TGFA: variants seen among roughly 807,000 people sequenced by gnomAD.
TGFA encodes the protein transforming growth factor alpha.
TGFA carries 12 observed loss-of-function variants against 21.7 expected under a neutral mutation model. The ratio of observed to expected loss-of-function variants is 0.55; its 90% CI spans 0.35 to 0.90. The LOEUF (loss-of-function observed/expected upper bound fraction) is 0.90, where lower values mean the gene tolerates loss of function less well. Among genes scored for constraint, TGFA ranks in the 40% least tolerant of loss-of-function variants. TGFA has a pLI of 0.01. For missense variants in TGFA, 178 were observed against 210.8 expected (o/e 0.84, Z 0.96); for synonymous variants, 79 against 88.1 (o/e 0.90, Z 0.58).
chr2:70,542,963 C>A (rs1052400036), intron 1 of TGFA, among the ~76,000 whole-genome samples: 3 of 151,600 alleles, frequency 2.0e-5, no homozygotes, highest in Non-Finnish European at 4.4e-5. Flanking sequence ...ATTAGCCGGG[C>A]GTAGTGGCGG....
intron 1 of TGFA, among the ~76,000 whole-genome samples, chr2:70,535,495 T>C (rs1672946157): frequency 6.6e-6 from 1 of 152,216 alleles, no homozygotes; most frequent in Non-Finnish European, 1.5e-5. Context: ...TCTATAAGCA[T>C]TAAGTAAAGA....
At chr2:70,503,463 T>C (rs1198594466) in intron 2 of TGFA, among the ~76,000 whole-genome samples, 46 of 150,342 alleles carry the variant, frequency 3.1e-4, no homozygotes, top group African/African-American at 1.0e-3. Context: ...TTAGGAGATA[T>C]ACCTAATGTA....
chr2:70,476,108 T>TA (rs1670925497), intron 2 of TGFA, among the ~76,000 whole-genome samples: 2 of 84,038 alleles, frequency 2.4e-5, no homozygotes, highest in East Asian at 4.6e-4. Flanking sequence ...AAAAAAAAAA[T>TA]TAAGAAAATT....
intron 1 of TGFA, among the ~76,000 whole-genome samples, chr2:70,524,227 T>C (rs1322331553): frequency 1.3e-5 from 2 of 152,214 alleles, no homozygotes; most frequent in Non-Finnish European, 2.9e-5. Flanking sequence ...AGGTAAAACA[T>C]CTTTATCCAA....
At chr2:70,525,602 C>A (rs1672608801) in intron 1 of TGFA, among the ~76,000 whole-genome samples, 1 of 152,154 alleles carries the variant, frequency 6.6e-6, no homozygotes, top group African/African-American at 2.4e-5. Context: ...CCTCCTTGGG[C>A]CCCAGAAGCA....
At chr2:70,470,997 T>C (rs1026188123) in intron 2 of TGFA, among the ~76,000 whole-genome samples, 1 of 152,064 alleles carries the variant, frequency 6.6e-6, no homozygotes, top group Non-Finnish European at 1.5e-5. Flanking sequence ...TATTAGAGAA[T>C]AAAACCCATC....
intron 2 of TGFA, among the ~76,000 whole-genome samples, chr2:70,469,333 TTA>T: frequency 1.3e-5 from 2 of 152,192 alleles, no homozygotes; most frequent in African/African-American, 4.8e-5. Flanking sequence ...AATTAATTAA[TTA>T]ATTTATATTT....
At chr2:70,453,073 C>T in intron 5 of TGFA, 145 bp downstream of exon 5, 1 of 731,390 alleles carries the variant, frequency 1.4e-6, no homozygotes, top group Non-Finnish European at 2.2e-6. Context: ...TATGAATAAA[C>T]TAAACCTGAC....
At chr2:70,528,703 G>T (rs1553503262) in intron 1 of TGFA, among the ~76,000 whole-genome samples, 1 of 152,162 alleles carries the variant, frequency 6.6e-6, no homozygotes, top group East Asian at 1.9e-4. Context: ...CTCTCAGCTG[G>T]GGATAAGTTA....
At chr2:70,498,717 G>C (rs1271030711) in intron 2 of TGFA, among the ~76,000 whole-genome samples, 3 of 152,076 alleles carry the variant, frequency 2.0e-5, no homozygotes, top group Non-Finnish European at 4.4e-5. Flanking sequence ...GATCTAGTTT[G>C]CATAAAAGTC....
At chr2:70,494,742 C>G (rs1259534254) in intron 2 of TGFA, among the ~76,000 whole-genome samples, 1 of 152,108 alleles carries the variant, frequency 6.6e-6, no homozygotes, top group Non-Finnish European at 1.5e-5. Context: ...GGCTGGACAT[C>G]TTTTCTATGT....
chr2:70,534,543 T>A (rs539607947), intron 1 of TGFA, among the ~76,000 whole-genome samples: 1 of 152,232 alleles, frequency 6.6e-6, no homozygotes, highest in South Asian at 2.1e-4. Context: ...TTAAAAAAAA[T>A]TTATGGTAGA....
At chr2:70,482,729 CTT>C (rs1480840178) in intron 2 of TGFA, among the ~76,000 whole-genome samples, 1 of 149,018 alleles carries the variant, frequency 6.7e-6, no homozygotes, top group Non-Finnish European at 1.5e-5. Context: ...TTTTTTTTCT[CTT>C]GAGTCTTTAT....
chr2:70,536,713 A>G lies in TGFA; in HGVS notation c.40+17015T>C, dbSNP rs780931519. 9.3e-4 allele frequency among the ~76,000 whole-genome samples: 142 copies of G among 152,356 alleles called. 2 individuals carry two copies. Among genetic ancestry groups the G allele is most frequent in the Non-Finnish European group, 2.8e-4 (19 of 68,040 alleles). On this transcript the variant is annotated intron_variant, in intron 1 of 5. Transcript: ENST00000295400. ...CAGCAAAAGCAGTGCTTAGAGGAAGATTTATAGCACTTACTGAATATATTA... is the reference window on the plus strand; with the variant it reads ...CAGCAAAAGCAGTGCTTAGAGGAAGGTTTATAGCACTTACTGAATATATTA...
chr2:70,504,473 C>CATATATATATATATATATATATAT (rs376988843), intron 2 of TGFA, among the ~76,000 whole-genome samples: 8 of 78,802 alleles, frequency 1.0e-4, no homozygotes, highest in Non-Finnish European at 1.9e-4. Context: ...TACACACATA[C>CATATATATATATATATATATATAT]ATACATACAT....
intron 1 of TGFA, among the ~76,000 whole-genome samples, chr2:70,541,309 A>G (rs1469349910): frequency 6.6e-6 from 1 of 152,278 alleles, no homozygotes; most frequent in Non-Finnish European, 1.5e-5. Flanking sequence ...TATGTTTGCC[A>G]CAGAAATATT....
chr2:70,542,797 G>A (rs957958001), intron 1 of TGFA, among the ~76,000 whole-genome samples: 3 of 152,146 alleles, frequency 2.0e-5, no homozygotes, highest in Non-Finnish European at 4.4e-5. Flanking sequence ...CTGGTCTTAT[G>A]GGAACACTGT....
chr2:70,509,299 A>T (rs1458795331), intron 2 of TGFA, among the ~76,000 whole-genome samples: 1 of 152,202 alleles, frequency 6.6e-6, no homozygotes, highest in Non-Finnish European at 1.5e-5. Context: ...GATGAGCAAT[A>T]ACCAGATTGC....
intron 1 of TGFA, among the ~76,000 whole-genome samples, chr2:70,543,401 C>A (rs1412782046): frequency 6.6e-6 from 1 of 151,844 alleles, no homozygotes; most frequent in African/African-American, 2.4e-5. Context: ...TGGTACACAG[C>A]TGTAATCCCA....
Sources: allele counts gnomAD v4.1 joint callset (sites outside exome capture counted in the v4.1 genomes callset), GRCh38; gene constraint gnomAD v4.1.1; transcripts MANE v1.5; gene names NCBI Gene and HGNC (gene_info 2026-07-23, HGNC 2026-07-21).